Variants in ZC3H14 observed in about 807,000 individuals in gnomAD.
ZC3H14 encodes the protein zinc finger CCCH domain-containing protein 14.
A neutral mutation model predicts 92.4 loss-of-function variants in ZC3H14; 31 were observed. The observed-to-expected ratio is 0.34, with a 90% CI of 0.25 to 0.45. The LOEUF (loss-of-function observed/expected upper bound fraction) is 0.45. ZC3H14 is among the 20% of genes least tolerant of loss of function. ZC3H14 has a pLI of 1.00. For synonymous variants in ZC3H14, 321 were observed against 300.9 expected, an observed-to-expected ratio of 1.07 and a Z score of -0.69; for missense variants, 781 against 897.3, an observed-to-expected ratio of 0.87 and a Z score of 1.66.
intron 12 of ZC3H14, 147 bp downstream of exon 12, chr14:88,603,207 C>A: frequency 1.2e-6 from 1 of 813,822 alleles, no homozygotes; most frequent in Non-Finnish European, 2.0e-6. Flanking sequence ...ACAAACCCAC[C>A]AAGTACATTT....
rs2089757009 is a variant in ZC3H14 at position 88,625,332 on chromosome 14, T to C, written c.*13581T>C. 1 of 540,394 alleles carries C rather than the reference T, an allele frequency of 1.9e-6. No homozygotes were observed. Among genetic ancestry groups the C allele is most frequent in the Admixed American group, 3.4e-5 (1 of 29,320 alleles). 33.5% of individuals were successfully genotyped at this position (540,394 alleles called of 1,614,324 possible). Reference sequence around the variant, plus strand: ...CAGGACCTTTTCCTTTCCAAGTCTGTTGCTTATTAGCTAGAATAACCTTAG... The same window carrying C: ...CAGGACCTTTTCCTTTCCAAGTCTGCTGCTTATTAGCTAGAATAACCTTAG... On this transcript the variant is annotated 3_prime_UTR_variant, in exon 17 of 17. Coordinates refer to ENST00000251038, the MANE Select transcript of ZC3H14 (RefSeq NM_024824.5).
intron 12 of ZC3H14, among the ~76,000 whole-genome samples, chr14:88,603,618 C>T (rs1015817751): frequency 6.6e-6 from 1 of 152,214 alleles, no homozygotes; most frequent in African/African-American, 2.4e-5. Flanking sequence ...ATCACCGTTT[C>T]TTTCACTGGG....
chr14:88,579,413 A>C (rs1280665955), intron 9 of ZC3H14, among the ~76,000 whole-genome samples: 1 of 152,170 alleles, frequency 6.6e-6, no homozygotes, highest in Non-Finnish European at 1.5e-5. Context: ...GAAACTGAGG[A>C]GGGATTTTGC....
In ZC3H14 at chr14:88,609,390, G is replaced by A. The variant is rs1566985072; in HGVS notation, c.1992G>A (p.Leu664=). The change falls in exon 14 of 17, where the codon CTG becomes CTA. Residue 664 remains leucine (L), a synonymous_variant. Coordinates refer to ENST00000251038, the MANE Select transcript of ZC3H14 (RefSeq NM_024824.5). ...FTHVSRRIPV[L]SPKPAVAPPA... Reference sequence around the variant, plus strand: ...ATGTGAGTAGAAGAATTCCAGTACTGTCTCCAAAACCAGGTGAGTGAGTGA... The same window carrying A: ...ATGTGAGTAGAAGAATTCCAGTACTATCTCCAAAACCAGGTGAGTGAGTGA... The A allele has an allele frequency of 1.2e-6, 2 of 1,613,886 alleles. No individual in the cohort carries two copies. Among genetic ancestry groups the A allele is most frequent in the African/African-American group, 1.3e-5 (1 of 74,900 alleles).
At chr14:88,563,204 G>A in intron 1 of ZC3H14, 35 bp downstream of exon 1, 1 of 1,594,824 alleles carries the variant, frequency 6.3e-7, no homozygotes, top group Non-Finnish European at 8.5e-7. Flanking sequence ...GGGAAGCCAG[G>A]TCTCGGCGAG....
At chr14:88,571,182 T>C in intron 4 of ZC3H14, 58 bp downstream of exon 4, 4 of 1,466,620 alleles carry the variant, frequency 2.7e-6, no homozygotes, top group East Asian at 2.3e-5. Context: ...GATTTGTTTC[T>C]TTCTAAAGTC....
intron 3 of ZC3H14, among the ~76,000 whole-genome samples, chr14:88,570,408 T>G (rs2080236084): frequency 6.6e-6 from 1 of 152,210 alleles, no homozygotes; most frequent in Admixed American, 6.5e-5. Flanking sequence ...CAAGCAAGAT[T>G]ACAGCCTTAC....
chr14:88,572,251 G>A, intron 5 of ZC3H14, 26 bp downstream of exon 5: 4 of 1,610,846 alleles, frequency 2.5e-6, no homozygotes, highest in Non-Finnish European at 2.5e-6. Flanking sequence ...AGACCTGCTG[G>A]GGGCAGATGG....
chr14:88,571,912 C>T (rs1020966226), intron 4 of ZC3H14, 118 bp from the exon 5 acceptor site: 14 of 772,650 alleles, frequency 1.8e-5, no homozygotes, highest in African/African-American at 3.7e-5. Context: ...TGCAGGGAGC[C>T]GAGAACGCGC....
intron 6 of ZC3H14, 81 bp from the exon 7 acceptor site, chr14:88,574,612 T>G (rs1595549631): frequency 6.4e-7 from 1 of 1,555,056 alleles, no homozygotes; most frequent in East Asian, 2.2e-5. Context: ...GTACTGTTTT[T>G]TTCTTAAAAT....
chr14:88,581,713 G>GA (rs149125749), intron 9 of ZC3H14, among the ~76,000 whole-genome samples: 2,188 of 152,258 alleles, frequency 0.014, 21 homozygotes, highest in East Asian at 0.027. Context: ...ACGTCCAAAG[G>GA]ATGCAGGCGC....
chr14:88,610,278 T>C (rs1285724540), intron 15 of ZC3H14, among the ~76,000 whole-genome samples: 23 of 152,134 alleles, frequency 1.5e-4, no homozygotes, highest in Non-Finnish European at 4.4e-5. Flanking sequence ...CTTGCCCCCA[T>C]CTGTAACTGG....
chr14:88,599,261 T>C (rs1001159174), intron 10 of ZC3H14, among the ~76,000 whole-genome samples: 3 of 152,252 alleles, frequency 2.0e-5, no homozygotes, highest in African/African-American at 7.2e-5. Context: ...TGCTTCATTA[T>C]TGCCTTAGAA....
chr14:88,573,353 C>G (rs540650797), intron 6 of ZC3H14, among the ~76,000 whole-genome samples: 490 of 152,132 alleles, frequency 3.2e-3, no homozygotes, highest in South Asian at 5.8e-3. Flanking sequence ...GCACTCCAGC[C>G]TGGGCAACAG....
chr14:88,583,273 C>G (rs897591551), intron 9 of ZC3H14, among the ~76,000 whole-genome samples: 1 of 151,750 alleles, frequency 6.6e-6, no homozygotes, highest in African/African-American at 2.4e-5. Context: ...CACGCCACCA[C>G]GCCCAGCTAA....
Position 88,593,894 on chromosome 14 carries a change from CAA to C in ZC3H14, c.1280-2829_1280-2828del, listed in dbSNP as rs11339975. On this transcript the variant is annotated intron_variant, in intron 9 of 16. Coordinates refer to ENST00000251038, the MANE Select transcript of ZC3H14 (RefSeq NM_024824.5). ...ATTTTTGTGTTTCAAAAGATACTAT[CAA>C]AAAAAAAAAAGACAACAAAATGGGA... Among the ~76,000 whole-genome samples the C allele has an allele frequency of 1.8e-3, 273 of 148,518 alleles. 1 individual carries two copies. Among genetic ancestry groups the C allele is most frequent in the African/African-American group, 4.3e-3 (175 of 40,660 alleles).
intron 2 of ZC3H14, 108 bp downstream of exon 2, chr14:88,563,801 CT>C: frequency 9.6e-7 from 1 of 1,040,352 alleles, no homozygotes; most frequent in Non-Finnish European, 1.5e-6. Flanking sequence ...GAGAGACTCC[CT>C]TCTACCTTCT....
chr14:88,624,886 C>T lies in ZC3H14; in HGVS notation c.*13135C>T. 6.7e-7 allele frequency: 1 copy of T among 1,499,432 alleles called. No homozygotes were observed. Among genetic ancestry groups the T allele is most frequent in the Non-Finnish European group, 9.0e-7 (1 of 1,107,038 alleles). 92.9% of individuals were successfully genotyped at this position (1,499,432 alleles called of 1,614,324 possible). A position where few individuals can be genotyped will look rare whatever the true frequency, so the allele number is the denominator to read the frequency against. On this transcript the variant is annotated 3_prime_UTR_variant, in exon 17 of 17. Coordinates refer to ENST00000251038, the MANE Select transcript of ZC3H14 (RefSeq NM_024824.5). ...AGGTCGGAGAGGACACTCTGTGTAG[C>T]CTAGAAACAACTAGAATAATTAACT... is the stretch of plus-strand genomic sequence containing the variant.
At chr14:88,566,474 G>A (rs972095356) in intron 2 of ZC3H14, among the ~76,000 whole-genome samples, 6 of 152,110 alleles carry the variant, frequency 3.9e-5, no homozygotes, top group African/African-American at 1.4e-4. Flanking sequence ...GAGAATTGAG[G>A]CTCAGAGAAA....
Sources: allele counts gnomAD v4.1 joint callset (sites outside exome capture counted in the v4.1 genomes callset), GRCh38; gene constraint gnomAD v4.1.1; transcripts MANE v1.5; gene names NCBI Gene and HGNC (gene_info 2026-07-23, HGNC 2026-07-21).